Variants in FOCAD observed in about 807,000 individuals in gnomAD.
The protein encoded by FOCAD is KIAA1797.
A neutral mutation model predicts 225.6 loss-of-function variants in FOCAD; 198 were observed. The observed-to-expected ratio is 0.88, with a 90% CI of 0.78 to 0.99. The LOEUF (loss-of-function observed/expected upper bound fraction) is 0.99. FOCAD is among the 50% of genes least tolerant of loss of function. The pLI is 0.00. For synonymous variants in FOCAD, 897 were observed against 755.0 expected (o/e 1.19, Z -3.08); for missense variants, 2,713 against 2,123.6 (o/e 1.28, Z -5.46).
intron 18 of FOCAD, among the ~76,000 whole-genome samples, chr9:20,870,588 G>T (rs1829673370): frequency 6.6e-6 from 1 of 152,206 alleles, no homozygotes; most frequent in Admixed American, 6.5e-5. Flanking sequence ...CTCAGGCTAG[G>T]CTAAGATATG....
intron 35 of FOCAD, among the ~76,000 whole-genome samples, chr9:20,969,093 ATCTGTTCTTGATTTCTAT>A (rs1839532575): frequency 6.6e-6 from 1 of 151,914 alleles, no homozygotes; most frequent in South Asian, 2.1e-4. Flanking sequence ...TTTTTTGGAA[ATCTGTTCTTGATTTCTAT>A]TCCATTGTGT....
In FOCAD at chr9:20,868,067, A is replaced by T. The variant is rs564994242; in HGVS notation, c.2190+1055A>T. Among the ~76,000 whole-genome samples, 5 of 152,234 alleles carry T rather than the reference A, an allele frequency of 3.3e-5. No homozygotes were observed. The South Asian group carries it at 1.0e-3, about 32-fold the overall frequency. On this transcript the variant is annotated intron_variant, in intron 18 of 43. Transcript: ENST00000338382. ...ACCGCTTGTCATGCAGTGATCACAA[A>T]TGGGAAAACTTAGGTAAAGATGTGT...
At chr9:20,980,273 G>T (rs934583558) in intron 37 of FOCAD, among the ~76,000 whole-genome samples, 1 of 152,070 alleles carries the variant, frequency 6.6e-6, no homozygotes, top group African/African-American at 2.4e-5. Context: ...TGAGGCAAAT[G>T]GAGGTCAAGC....
intron 10 of FOCAD, 52 bp downstream of exon 10, chr9:20,781,981 G>T: frequency 2.7e-6 from 4 of 1,497,478 alleles, no homozygotes; most frequent in Non-Finnish European, 1.9e-6. Context: ...GTGGGATTTC[G>T]GTCTTTACGG....
At chr9:20,981,405 C>T (rs751849738) in intron 37 of FOCAD, 21 bp from the exon 38 acceptor site, 8 of 1,611,144 alleles carry the variant, frequency 5.0e-6, no homozygotes, top group South Asian at 2.2e-5. Context: ...TTACATTCAA[C>T]CCCTTCTGTT....
intron 26 of FOCAD, among the ~76,000 whole-genome samples, chr9:20,926,632 A>G (rs1211882798): frequency 1.3e-5 from 2 of 151,926 alleles, no homozygotes; most frequent in Non-Finnish European, 2.9e-5. Context: ...AAAAACACAA[A>G]ATTAGCCGGG....
chr9:20,833,198 G>A (rs896039548), intron 15 of FOCAD, among the ~76,000 whole-genome samples: 1 of 151,926 alleles, frequency 6.6e-6, no homozygotes. Flanking sequence ...ATCCTAAAGG[G>A]TGTGAGGTGA....
chr9:20,743,680 C>T (rs574533777), intron 5 of FOCAD, among the ~76,000 whole-genome samples: 28 of 152,244 alleles, frequency 1.8e-4, no homozygotes, highest in African/African-American at 6.3e-4. Context: ...GCTTCTGAAT[C>T]CCACTTGCCA....
At chr9:20,872,906 A>G (rs1042345988) in intron 18 of FOCAD, 2 of 152,120 alleles carry the variant, frequency 1.3e-5, no homozygotes, top group African/African-American at 4.8e-5. Context: ...TATAAATGGA[A>G]GCATACAGGA....
chr9:20,662,359 G>A (rs368532471), intron 2 of FOCAD, among the ~76,000 whole-genome samples: 7 of 152,242 alleles, frequency 4.6e-5, no homozygotes, highest in East Asian at 1.9e-4. Flanking sequence ...GGTCAGCCTC[G>A]GGGGTAAAGA....
chr9:20,955,845 A>G (rs1838089215), intron 35 of FOCAD, among the ~76,000 whole-genome samples: 1 of 152,168 alleles, frequency 6.6e-6, no homozygotes, highest in Non-Finnish European at 1.5e-5. Flanking sequence ...CACTTCTTTT[A>G]TAATACATTA....
chr9:20,778,662 T>G lies in FOCAD; in HGVS notation c.907-19T>G. Reference sequence around the variant, plus strand: ...GGGAACTTCTTTAACAACTCCTTTTTCCCCCTCTATTCTTTTAGGATTTTC... The same window carrying G: ...GGGAACTTCTTTAACAACTCCTTTTGCCCCCTCTATTCTTTTAGGATTTTC... On this transcript the variant is annotated intron_variant, in intron 8 of 43. Transcript: ENST00000338382. The G allele has an allele frequency of 2.1e-6, 3 of 1,438,116 alleles. No homozygotes were observed. The highest frequency in any genetic ancestry group is 2.9e-6 in the Non-Finnish European group (3 of 1,022,124). The allele number at this position is 1,438,116 out of a possible 1,614,324, so 89.1% of individuals were successfully genotyped here.
rs56856864 is a variant in FOCAD at position 20,913,145 on chromosome 9, TACACACACACACAC to T, written c.2807+222_2807+235del. 6.8e-3 allele frequency among the ~76,000 whole-genome samples: 934 copies of T among 137,330 alleles called. 10 individuals carry two copies. The highest frequency in any genetic ancestry group is 0.023 in the African/African-American group (850 of 36,526). 90.1% of individuals were successfully genotyped at this position (137,330 alleles called of 152,430 possible). ...GAGAGCTTTATTTATAAATTATACATACACACACACACACACACACACACACACACACACACACA... is the reference window on the plus strand; with the variant it reads ...GAGAGCTTTATTTATAAATTATACATACACACACACACACACACACACACA... On this transcript the variant is annotated intron_variant, in intron 23 of 43. Coordinates refer to ENST00000338382, the MANE Select transcript of FOCAD (RefSeq NM_001375567.1).
At chr9:20,949,229 T>G (rs1564193316) in intron 32 of FOCAD, among the ~76,000 whole-genome samples, 1 of 152,218 alleles carries the variant, frequency 6.6e-6, no homozygotes, top group East Asian at 1.9e-4. Flanking sequence ...TCAAAAGTTA[T>G]TTGCAAGAAA....
chr9:20,736,347 C>T (rs563059516), intron 4 of FOCAD, among the ~76,000 whole-genome samples: 7 of 152,058 alleles, frequency 4.6e-5, no homozygotes, highest in Non-Finnish European at 1.0e-4. Flanking sequence ...TTTTGCTTCT[C>T]CAGTGGTTAT....
Position 20,789,489 on chromosome 9 carries a change from G to T in FOCAD, c.1336G>T (p.Ala446Ser), listed in dbSNP as rs140442849. 64 of 1,613,794 alleles carry T rather than the reference G, an allele frequency of 4.0e-5. No individual in the cohort carries two copies. Among genetic ancestry groups the T allele is most frequent in the Non-Finnish European group, 5.3e-5 (63 of 1,179,994 alleles). ...AGTAGAGTCATTGCTTCCTATTACT[G>T]CTGTGATCCCTGCGCCTGCCTTTCT... ...ASVESLLPIT[A>S]VIPAPAFLLL... The change falls in exon 11 of 44, where the codon GCT becomes TCT. Residue 446 changes from alanine to serine, a missense_variant. Transcript: ENST00000338382.
rs1167617943 is a variant in FOCAD, at chr9:20,811,387, G to T, written c.1456-8409G>T. Among the ~76,000 whole-genome samples, 3 of 152,136 alleles carry T rather than the reference G, an allele frequency of 2.0e-5. No individual in the cohort carries two copies. The East Asian group carries it at 5.8e-4, about 29-fold the overall frequency. On this transcript the variant is annotated intron_variant, in intron 11 of 43. Coordinates refer to ENST00000338382, the MANE Select transcript of FOCAD (RefSeq NM_001375567.1). ...ATGTTATAGTTAGTCTTCAATAAATGCTAGCTGTTGTTATTCAAGGAATCA... is the reference window on the plus strand; with the variant it reads ...ATGTTATAGTTAGTCTTCAATAAATTCTAGCTGTTGTTATTCAAGGAATCA...
At chr9:20,912,003 C>G (rs1283479177) in intron 22 of FOCAD, among the ~76,000 whole-genome samples, 1 of 151,852 alleles carries the variant, frequency 6.6e-6, no homozygotes, top group Non-Finnish European at 1.5e-5. Flanking sequence ...TCATATCCAC[C>G]AAAATGGAAA....
intron 11 of FOCAD, among the ~76,000 whole-genome samples, chr9:20,810,545 C>T (rs1365229029): frequency 6.6e-6 from 1 of 152,092 alleles, no homozygotes; most frequent in East Asian, 1.9e-4. Context: ...TCTATGGATA[C>T]AGGAATTCAG....
Sources: allele counts gnomAD v4.1 joint callset (sites outside exome capture counted in the v4.1 genomes callset), GRCh38; gene constraint gnomAD v4.1.1; transcripts MANE v1.5; gene names NCBI Gene and HGNC (gene_info 2026-07-23, HGNC 2026-07-21).